Variants in APBA1 observed in about 807,000 individuals in gnomAD.
The protein encoded by APBA1 is amyloid beta precursor protein binding family A member 1.
A neutral mutation model predicts 86.6 loss-of-function variants in APBA1; 55 were observed. The observed-to-expected ratio is 0.64, with a 90% confidence interval of 0.51 to 0.80. The LOEUF (loss-of-function observed/expected upper bound fraction) is 0.80, where lower values mean the gene tolerates loss of function less well. Among genes scored for constraint, APBA1 ranks in the 30% least tolerant of loss-of-function variants. The pLI is 0.00. For synonymous variants in APBA1, 511 were observed against 493.9 expected (o/e 1.03, Z -0.46); for missense variants, 1,090 against 1,183.0 (o/e 0.92, Z 1.15).
rs1491037095 is a variant in APBA1, at chr9:69,658,278, T to TTCTCTC, written c.-70+13874_-70+13875insGAGAGA. On this transcript the variant is annotated intron_variant, in intron 1 of 12. Transcript: ENST00000265381. ...TTTCTTTCTTTCTTTCTTTCTTTCTTTCTTTCTCTCTCTCTTTCTCTCTCT... is the reference window on the plus strand; with the variant it reads ...TTTCTTTCTTTCTTTCTTTCTTTCTTTCTCTCTCTTTCTCTCTCTCTTTCTCTCTCT... Among the ~76,000 whole-genome samples the TTCTCTC allele has an allele frequency of 6.4e-4, 42 of 65,600 alleles. 1 individual carries two copies. Among genetic ancestry groups the TTCTCTC allele is most frequent in the African/African-American group, 2.1e-3 (36 of 17,418 alleles). The allele number at this position is 65,600 out of a possible 152,430, so 43.0% of individuals were successfully genotyped here. A position where few individuals can be genotyped will look rare whatever the true frequency, so the allele number is the denominator to read the frequency against.
At chr9:69,542,613 G>C (rs992992250) in intron 1 of APBA1, among the ~76,000 whole-genome samples, 1 of 152,188 alleles carries the variant, frequency 6.6e-6, no homozygotes, top group African/African-American at 2.4e-5. Context: ...GTGGACATAA[G>C]TTTTCAACTC....
intron 12 of APBA1, among the ~76,000 whole-genome samples, chr9:69,431,828 G>A (rs1422603450): frequency 6.6e-6 from 1 of 152,240 alleles, no homozygotes; most frequent in East Asian, 1.9e-4. Context: ...TGACAGCAGT[G>A]ATGACTGACA....
intron 1 of APBA1, among the ~76,000 whole-genome samples, chr9:69,642,901 C>T (rs1823317153): frequency 6.6e-6 from 1 of 151,958 alleles, no homozygotes; most frequent in African/African-American, 2.4e-5. Context: ...TTCCAGCTTG[C>T]TCTGTGGATT....
chr9:69,596,963 G>C (rs987099990), intron 1 of APBA1, among the ~76,000 whole-genome samples: 2 of 152,212 alleles, frequency 1.3e-5, no homozygotes, highest in Admixed American at 6.5e-5. Flanking sequence ...CAGCCATTTA[G>C]TGGGGGTGCA....
In APBA1 at chr9:69,452,154, T is replaced by C. The variant is rs749774649; in HGVS notation, c.1936A>G (p.Ile646Val). ...NTQDMYNDDL[I>V]HFSKSENCKD... is the part of the protein sequence containing the mutation. ...CAGTTTTCCGACTTGGAGAAGTGGA[T>C]CAGGTCATCGTTGTACATGTCCTGG... is the stretch of plus-strand genomic sequence containing the variant. Residue 646 changes from isoleucine to valine, a missense_variant, in exon 9 of 13, where the codon ATC becomes GTC. Ile to Val is a conservative substitution (Grantham distance 29, BLOSUM62 3). Coordinates refer to ENST00000265381, the MANE Select transcript of APBA1 (RefSeq NM_001163.4). 1 of 1,614,184 alleles carries C rather than the reference T, an allele frequency of 6.2e-7. No homozygotes were observed. Among genetic ancestry groups the C allele is most frequent in the Non-Finnish European group, 8.5e-7 (1 of 1,180,004 alleles).
chr9:69,567,371 T>C (rs1837044130), intron 1 of APBA1, among the ~76,000 whole-genome samples: 2 of 152,308 alleles, frequency 1.3e-5, no homozygotes, highest in Admixed American at 1.3e-4. Flanking sequence ...GAGTCATTCA[T>C]GTAACTGGAA....
At chr9:69,431,496 A>T in intron 12 of APBA1, 98 bp from the exon 13 acceptor site, 1 of 1,075,478 alleles carries the variant, frequency 9.3e-7, no homozygotes, top group African/African-American at 1.6e-5. Context: ...CCTCTCCCAC[A>T]GAGGGCTTTG....
chr9:69,477,289 C>T (rs912469698), intron 2 of APBA1, among the ~76,000 whole-genome samples: 3 of 151,266 alleles, frequency 2.0e-5, no homozygotes, highest in South Asian at 2.1e-4. Flanking sequence ...CGAAGCAGGG[C>T]GAGGCATTTC....
At chr9:69,458,244 A>G in intron 5 of APBA1, 56 bp from the exon 6 acceptor site, 1 of 1,522,578 alleles carries the variant, frequency 6.6e-7, no homozygotes, top group Non-Finnish European at 8.9e-7. Flanking sequence ...ATGTGTAGAG[A>G]CTCAAAGTCA....
chr9:69,635,265 T>C (rs542088474), intron 1 of APBA1, among the ~76,000 whole-genome samples: 2 of 152,288 alleles, frequency 1.3e-5, no homozygotes, highest in Non-Finnish European at 2.9e-5. Flanking sequence ...CTTTACTTGT[T>C]TGTTTATGCA....
intron 1 of APBA1, among the ~76,000 whole-genome samples, chr9:69,641,731 A>T (rs1823290021): frequency 6.6e-6 from 1 of 152,248 alleles, no homozygotes; most frequent in African/African-American, 2.4e-5. Flanking sequence ...CACAAAAATT[A>T]ACTTAAAATG....
Position 69,435,604 on chromosome 9 carries a change from T to G in APBA1, c.2302-2928A>C, listed in dbSNP as rs547361161. Among the ~76,000 whole-genome samples, 4 of 152,320 alleles carry G rather than the reference T, an allele frequency of 2.6e-5. No individual in the cohort carries two copies. The South Asian group carries it at 8.3e-4, about 32-fold the overall frequency. On this transcript the variant is annotated intron_variant, in intron 11 of 12. Coordinates refer to ENST00000265381, the MANE Select transcript of APBA1 (RefSeq NM_001163.4). ...TGCATAAATGTCATCTTTTGAGAAG[T>G]GTTTGTTCATATCCTTCACCCACTT... is the stretch of plus-strand genomic sequence containing the variant.
intron 1 of APBA1, among the ~76,000 whole-genome samples, chr9:69,523,534 G>GAC (rs377194151): frequency 0.14 from 14,118 of 103,190 alleles, 1,113 homozygotes; most frequent in East Asian, 0.32. Context: ...TATATATATA[G>GAC]ACACACACAC....
At chr9:69,545,925 T>A (rs1040905955) in intron 1 of APBA1, among the ~76,000 whole-genome samples, 1 of 152,246 alleles carries the variant, frequency 6.6e-6, no homozygotes, top group Non-Finnish European at 1.5e-5. Flanking sequence ...GGAAGTCACC[T>A]CTTCAAAGAA....
At chr9:69,482,817 C>A (rs970288242) in intron 2 of APBA1, among the ~76,000 whole-genome samples, 3 of 151,652 alleles carry the variant, frequency 2.0e-5, no homozygotes, top group African/African-American at 7.3e-5. Context: ...AGTTCATGTC[C>A]TTTGTAGGGA....
rs1322628606 is a variant in APBA1 at position 69,517,198 on chromosome 9, C to T, written c.13G>A (p.Glu5Lys). ...GTCACCTCCACCTCCGCAGACCCCT[C>T]CAAGTGGTTCATGGTGGGAGTCGGA... MNHL[E>K]GSAEVEVTDE... Residue 5 changes from glutamate (E) to lysine (K), a missense_variant, in exon 2 of 13, where the codon GAG (glutamate) becomes AAG (lysine). Physicochemically the swap from Glu to Lys is moderately conservative, Grantham distance 56. Around this residue, in one of 6 missense-constraint regions of APBA1, gnomAD observed 678 missense variants for 647.1 expected, o/e 1.05. Coordinates refer to ENST00000265381, the MANE Select transcript of APBA1 (RefSeq NM_001163.4). 6.6e-7 allele frequency: 1 copy of T among 1,505,284 alleles called. No individual in the cohort carries two copies. Among genetic ancestry groups the T allele is most frequent in the South Asian group, 1.3e-5 (1 of 74,472 alleles). 93.2% of individuals were successfully genotyped at this position (1,505,284 alleles called of 1,614,324 possible).
chr9:69,450,718 CT>C (rs1026791037), intron 9 of APBA1, among the ~76,000 whole-genome samples: 1 of 152,020 alleles, frequency 6.6e-6, no homozygotes, highest in Non-Finnish European at 1.5e-5. Flanking sequence ...GAGATAAGGT[CT>C]TAGCAGAGGT....
At chr9:69,499,336 T>C (rs1265205199) in intron 2 of APBA1, among the ~76,000 whole-genome samples, 2 of 152,004 alleles carry the variant, frequency 1.3e-5, no homozygotes, top group African/African-American at 4.8e-5. Flanking sequence ...GGAAATAGGG[T>C]TCCAACTGAA....
intron 1 of APBA1, among the ~76,000 whole-genome samples, chr9:69,579,659 T>A (rs1220449772): frequency 6.6e-6 from 1 of 152,220 alleles, no homozygotes; most frequent in African/African-American, 2.4e-5. Context: ...TAAGCCAATG[T>A]TCTTAAGCAT....
Sources: gnomAD v4.1 joint callset for allele counts (sites outside exome capture counted in the v4.1 genomes callset) on GRCh38, gnomAD v4.1.1 for gene constraint, gnomAD v4.1.1 regional missense constraint, MANE v1.5 for transcripts, NCBI Gene and HGNC (gene_info 2026-07-23, HGNC 2026-07-21) for gene names.